The following DPP6 variants were observed in gnomAD, a reference collection of about 807,000 sequenced individuals.
The protein encoded by DPP6 is A-type potassium channel modulatory protein DPP6.
Under a neutral mutation model 122.6 loss-of-function variants are expected in DPP6, and 69 were observed. The ratio of observed to expected loss-of-function variants is 0.56; its 90% CI spans 0.46 to 0.69. The LOEUF (loss-of-function observed/expected upper bound fraction) is 0.69, where lower values mean the gene tolerates loss of function less well. Ranked by LOEUF, DPP6 falls within the 30% of genes least tolerant of loss-of-function variation. The pLI is 0.00. For missense variants in DPP6, 928 were observed against 1,116.9 expected (o/e 0.83, Z 2.41); for synonymous variants, 418 against 433.1 (o/e 0.97, Z 0.43).
At chr7:154,891,586 C>T (rs1298419141) in intron 25 of DPP6, among the ~76,000 whole-genome samples, 1 of 152,098 alleles carries the variant, frequency 6.6e-6, no homozygotes, top group African/African-American at 2.4e-5. Flanking sequence ...CAGCACGCAG[C>T]CCTTCCACGG....
intron 4 of DPP6, among the ~76,000 whole-genome samples, chr7:154,559,310 T>A (rs1586627160): frequency 9.2e-5 from 8 of 87,012 alleles, no homozygotes; most frequent in African/African-American, 1.3e-4. Flanking sequence ...GCAGTAGCAA[T>A]AGAAAACTAT....
rs143153744 is a variant in DPP6 at position 154,413,498 on chromosome 7, T to A, written c.244-32716T>A. ...CACCATCTTTTATTCATATGCCATTTTGATTTTTCTAGAGCGAATATATAG... is the reference window on the plus strand; with the variant it reads ...CACCATCTTTTATTCATATGCCATTATGATTTTTCTAGAGCGAATATATAG... On this transcript the variant is annotated intron_variant, in intron 1 of 25. Transcript: ENST00000377770. 3.3e-3 allele frequency among the ~76,000 whole-genome samples: 505 copies of A among 152,382 alleles called. 11 individuals carry two copies. Among genetic ancestry groups the A allele is most frequent in the Admixed American group, 0.025 (387 of 15,312 alleles).
rs1466791014 is a variant in DPP6, at chr7:154,795,790, AAAAAAAG to A, written c.1261-50_1261-44del. 3.9e-5 allele frequency: 59 copies of A among 1,520,354 alleles called. No individual in the cohort carries two copies. In the African/African-American group the frequency reaches 3.9e-4, roughly 10 times the overall value. 94.2% of individuals were successfully genotyped at this position (1,520,354 alleles called of 1,614,324 possible). On this transcript the variant is annotated intron_variant, in intron 11 of 25. Transcript: ENST00000377770. The stretch of plus-strand genomic sequence containing the variant: ...GTCACAGACACAATACATGCAAAAA[AAAAAAAG>A]AAAAGAAAAGAAAAACCCTCTTGTC...
At chr7:154,702,572 T>C (rs1363119625) in intron 7 of DPP6, among the ~76,000 whole-genome samples, 2 of 152,230 alleles carry the variant, frequency 1.3e-5, no homozygotes, top group African/African-American at 4.8e-5. Context: ...CCAGATACAG[T>C]ATTCCCTGAA....
chr7:153,903,996 A>G (rs944919504), intron 1 of DPP6, among the ~76,000 whole-genome samples: 2 of 152,156 alleles, frequency 1.3e-5, no homozygotes, highest in African/African-American at 4.8e-5. Flanking sequence ...TGCCTAAGCA[A>G]AGGAGCAGGT....
intron 1 of DPP6, among the ~76,000 whole-genome samples, chr7:154,192,696 AT>A (rs1392816685): frequency 6.6e-5 from 10 of 152,268 alleles, no homozygotes; most frequent in Non-Finnish European, 1.5e-4. Context: ...AAATCCCCAT[AT>A]GGGTCAAATG....
At chr7:154,686,639 G>A (rs1469449369) in intron 7 of DPP6, among the ~76,000 whole-genome samples, 2 of 152,180 alleles carry the variant, frequency 1.3e-5, no homozygotes, top group Non-Finnish European at 2.9e-5. Flanking sequence ...TCCTCCTGGA[G>A]AGGGTGGGTC....
intron 8 of DPP6, among the ~76,000 whole-genome samples, chr7:154,762,934 A>C (rs930243923): frequency 1.3e-5 from 2 of 152,236 alleles, no homozygotes; most frequent in Non-Finnish European, 2.9e-5. Flanking sequence ...AAATCACCAA[A>C]GTGTGGAAGT....
chr7:154,561,775 C>G (rs747680749), intron 4 of DPP6, among the ~76,000 whole-genome samples: 2 of 151,776 alleles, frequency 1.3e-5, no homozygotes, highest in African/African-American at 2.4e-5. Flanking sequence ...TAAAATCAAT[C>G]AAGAGCAAAG....
At chr7:154,694,148 A>T (rs1360131703) in intron 7 of DPP6, among the ~76,000 whole-genome samples, 2 of 151,686 alleles carry the variant, frequency 1.3e-5, no homozygotes, top group Non-Finnish European at 1.5e-5. Context: ...GGGACAAGGG[A>T]CCCCTCTGTG....
intron 2 of DPP6, among the ~76,000 whole-genome samples, chr7:154,466,806 T>TC (rs1821826079): frequency 6.6e-6 from 1 of 152,208 alleles, no homozygotes; most frequent in African/African-American, 2.4e-5. Context: ...CACATCCTTC[T>TC]CATATATAAA....
intron 7 of DPP6, among the ~76,000 whole-genome samples, chr7:154,681,250 T>C (rs1335192488): frequency 6.6e-6 from 1 of 152,212 alleles, no homozygotes; most frequent in African/African-American, 2.4e-5. Context: ...GCTTCCTTAA[T>C]TCAATTGCGA....
chr7:154,004,762 T>C (rs1298363751), intron 1 of DPP6, among the ~76,000 whole-genome samples: 4 of 152,096 alleles, frequency 2.6e-5, no homozygotes, highest in Admixed American at 6.6e-5. Context: ...CTTTGGACTG[T>C]AGTTTATATG....
chr7:154,861,253 T>G (rs911045681), intron 17 of DPP6, among the ~76,000 whole-genome samples: 4 of 152,174 alleles, frequency 2.6e-5, no homozygotes, highest in African/African-American at 9.7e-5. Context: ...TAAGATAATT[T>G]TTGAAAAATC....
In DPP6 at chr7:154,127,668, CACACACACAA is replaced by C. The variant is rs1273937840; in HGVS notation, c.243+74607_243+74616del. 5.5e-3 allele frequency among the ~76,000 whole-genome samples: 721 copies of C among 131,586 alleles called. 4 individuals carry two copies. Among genetic ancestry groups the C allele is most frequent in the Middle Eastern group, 0.013 (3 of 238 alleles). The allele number at this position is 131,586 out of a possible 152,430, so 86.3% of individuals were successfully genotyped here. On this transcript the variant is annotated intron_variant, in intron 1 of 25. Transcript: ENST00000377770. ...ACACACACAGACACACACACACACACACACACACAAAACAGCTCTTTCTGAGGTTGGGAAG... is the reference window on the plus strand; with the variant it reads ...ACACACACAGACACACACACACACACAACAGCTCTTTCTGAGGTTGGGAAG...
intron 1 of DPP6, among the ~76,000 whole-genome samples, chr7:154,043,288 G>A (rs1306374476): frequency 6.6e-6 from 1 of 151,240 alleles, no homozygotes; most frequent in East Asian, 1.9e-4. Flanking sequence ...AGCTACTTGG[G>A]AGTCTGAGGC....
At chr7:153,874,438 G>A in the DPP6 span, among the ~76,000 whole-genome samples, 1 of 152,160 alleles carries the variant, frequency 6.6e-6, no homozygotes, top group Non-Finnish European at 1.5e-5. Flanking sequence ...TGCAGTGGTA[G>A]GATCTCAGCT....
At chr7:154,165,609 T>G (rs1370381619) in intron 1 of DPP6, among the ~76,000 whole-genome samples, 1 of 151,680 alleles carries the variant, frequency 6.6e-6, no homozygotes, top group Non-Finnish European at 1.5e-5. Context: ...TTGAACTAGT[T>G]TACAGTCCCA....
chr7:153,879,285 A>G, the DPP6 span, among the ~76,000 whole-genome samples: 1 of 152,196 alleles, frequency 6.6e-6, no homozygotes, highest in African/African-American at 2.4e-5. Context: ...GCAGGAATGT[A>G]TAATTGTGTG....
Sources: allele counts gnomAD v4.1 joint callset (sites outside exome capture counted in the v4.1 genomes callset), GRCh38; gene constraint gnomAD v4.1.1; transcripts MANE v1.5; gene names NCBI Gene and HGNC (gene_info 2026-07-23, HGNC 2026-07-21).